Variants in COPZ2 observed in about 807,000 individuals in gnomAD.
The protein encoded by COPZ2 is coat protein complex I subunit zeta 2.
Under a neutral mutation model 33.2 loss-of-function variants are expected in COPZ2, and 30 were observed. The observed-to-expected ratio is 0.90, with a 90% CI of 0.68 to 1.23. COPZ2 has a LOEUF of 1.23. COPZ2 is among the 50% of genes most tolerant of loss of function. The pLI is 0.00. For missense variants in COPZ2, 263 were observed against 262.4 expected (o/e 1.00, Z -0.02); for synonymous variants, 89 against 102.6 (o/e 0.87, Z 0.80).
At chr17:48,044,104 T>G in the COPZ2 span, among the ~76,000 whole-genome samples, 1 of 152,160 alleles carries the variant, frequency 6.6e-6, no homozygotes, top group African/African-American at 2.4e-5. Flanking sequence ...CCCAGCACTT[T>G]GGGAGGCTGA....
the COPZ2 span, chr17:48,047,632 ACCGCCAACGTTCCGCCAACGTT>A: frequency 6.6e-6 from 1 of 151,178 alleles, no homozygotes; most frequent in African/African-American, 2.4e-5. Flanking sequence ...CACCTCTCAC[ACCGCCAACGTTCCGCCAACGTT>A]CCGCCAACGT....
intron 2 of COPZ2, among the ~76,000 whole-genome samples, chr17:48,036,510 AC>A (rs1038165860): frequency 1.3e-5 from 2 of 152,226 alleles, no homozygotes; most frequent in Non-Finnish European, 2.9e-5. Flanking sequence ...TTAGAGACAA[AC>A]CCCAAAGAAC....
In COPZ2 at chr17:48,037,118, C is replaced by A; in HGVS notation, c.112-193G>T. 1.3e-6 allele frequency: 1 copy of A among 771,276 alleles called. No individual in the cohort carries two copies. The highest frequency in any genetic ancestry group is 1.4e-5 in the South Asian group (1 of 72,826). The allele number at this position is 771,276 out of a possible 1,614,324, so 47.8% of individuals were successfully genotyped here. ...CCACTCCACTCCCAGGCAGATGTTC[C>A]ACTGCAGGCCCCGAGTGGGCGCTGT... On this transcript the variant is annotated intron_variant, in intron 1 of 8. Coordinates refer to ENST00000621465, the MANE Select transcript of COPZ2 (RefSeq NM_016429.4). This position sits in a 1 kb window ranked among gnomAD's most constrained non-coding sequence, Gnocchi z 5.6.
At chr17:48,026,535 G>T in intron 8 of COPZ2, 60 bp from the exon 9 acceptor site, 3 of 1,272,376 alleles carry the variant, frequency 2.4e-6, no homozygotes, top group Non-Finnish European at 3.4e-6. Flanking sequence ...TCCATACACA[G>T]TCATGGGGAG....
In COPZ2 at chr17:48,029,141, T is replaced by C; in HGVS notation, c.530A>G (p.Gln177Arg). 6.3e-7 allele frequency: 1 copy of C among 1,578,922 alleles called. No individual in the cohort carries two copies. Among genetic ancestry groups the C allele is most frequent in the South Asian group, 1.2e-5 (1 of 85,580 alleles). ...ILESDPQQVIQKVNFRADDGG... is the reference protein window; with the variant it reads ...ILESDPQQVIRKVNFRADDGG... ...GACTCTTACCCTAAAATTCACCTTC[T>C]GGATCACTTGCTGGGGGTCACTCTC... The change falls in exon 7 of 9, where the codon CAG becomes CGG. Residue 177 changes from glutamine (Q) to arginine (R), a missense_variant. Gln to Arg is a conservative substitution (Grantham distance 43). Transcript: ENST00000621465.
Position 48,033,656 on chromosome 17 carries a change from G to A in COPZ2, c.268+207C>T, listed in dbSNP as rs75987916. ...GAGGCCTGGGGATGCTGGGGGGTTG[G>A]GTAGTTGGGGGAACTGGAGAGTGAC... On this transcript the variant is annotated intron_variant, in intron 3 of 8. Coordinates refer to ENST00000621465, the MANE Select transcript of COPZ2 (RefSeq NM_016429.4). Among the ~76,000 whole-genome samples, 40 of 152,300 alleles carry A rather than the reference G, an allele frequency of 2.6e-4. No homozygotes were observed. In the East Asian group the frequency reaches 6.0e-3, roughly 23 times the overall value.
At chr17:48,029,266 A>G in intron 6 of COPZ2, 90 bp from the exon 7 acceptor site, 1 of 1,220,910 alleles carries the variant, frequency 8.2e-7, no homozygotes. Context: ...TCCCTCTCCG[A>G]AGGCATCCTG....
the COPZ2 span, among the ~76,000 whole-genome samples, chr17:48,044,402 G>GT: frequency 4.4e-5 from 4 of 90,450 alleles, no homozygotes; most frequent in East Asian, 1.0e-3. Context: ...ACAATCTTTT[G>GT]CTTTTTTTTT....
At position 48,037,654 on chromosome 17, in the gene COPZ2, G is replaced by A. The variant is rs1238843571; in HGVS notation, c.111+13C>T. The A allele has an allele frequency of 9.2e-7, 1 of 1,090,276 alleles. No homozygotes were observed. The highest frequency in any genetic ancestry group is 1.1e-6 in the Non-Finnish European group (1 of 898,734). 67.5% of individuals were successfully genotyped at this position (1,090,276 alleles called of 1,614,324 possible). ...CCCGCCGCCCGGGATCCCCGCGCCC[G>A]CCCGCTCCGTACCCGCAGCCCCGAG... On this transcript the variant is annotated intron_variant, in intron 1 of 8. Coordinates refer to ENST00000621465, the MANE Select transcript of COPZ2 (RefSeq NM_016429.4). The surrounding 1 kb of genome is among the most constrained non-coding windows in gnomAD (Gnocchi z 5.6).
chr17:48,035,933 T>G (rs1452552881), intron 2 of COPZ2, among the ~76,000 whole-genome samples: 1 of 151,926 alleles, frequency 6.6e-6, no homozygotes, highest in African/African-American at 2.4e-5. Context: ...CTTTGTATTT[T>G]TAGTAGAGAC....
Position 48,037,187 on chromosome 17 carries a change from T to C in COPZ2, c.112-262A>G, listed in dbSNP as rs1222212566. ...GTCCTTCCGGGCCCAAGTTCTGTCA[T>C]GCACTGACTGCTCCAGAGCCCGAGT... On this transcript the variant is annotated intron_variant, in intron 1 of 8. Coordinates refer to ENST00000621465, the MANE Select transcript of COPZ2 (RefSeq NM_016429.4). The surrounding 1 kb of genome is among the most constrained non-coding windows in gnomAD (Gnocchi z 5.6). 8 of 713,998 alleles carry C rather than the reference T, an allele frequency of 1.1e-5. No individual in the cohort carries two copies. The highest frequency in any genetic ancestry group is 2.1e-5 in the Non-Finnish European group (8 of 377,714). 44.2% of individuals were successfully genotyped at this position (713,998 alleles called of 1,614,324 possible).
chr17:48,037,522 C>T lies in COPZ2; in HGVS notation c.111+145G>A. ...CGGTCGGCGCTGGGACGAACTTTTCCTCCCGGGTCCTGGGGCCAGTCAGGG... is the reference window on the plus strand; with the variant it reads ...CGGTCGGCGCTGGGACGAACTTTTCTTCCCGGGTCCTGGGGCCAGTCAGGG... On this transcript the variant is annotated intron_variant, in intron 1 of 8. Coordinates refer to ENST00000621465, the MANE Select transcript of COPZ2 (RefSeq NM_016429.4). The surrounding 1 kb of genome is among the most constrained non-coding windows in gnomAD (Gnocchi z 5.6). 1 of 790,166 alleles carries T rather than the reference C, an allele frequency of 1.3e-6. No homozygotes were observed. The highest frequency in any genetic ancestry group is 1.6e-6 in the Non-Finnish European group (1 of 630,226). The allele number at this position is 790,166 out of a possible 1,614,324, so 48.9% of individuals were successfully genotyped here.
Position 48,026,380 on chromosome 17 carries a change from G to A in COPZ2, c.*48C>T, listed in dbSNP as rs1299755709. 1 of 1,494,610 alleles carries A rather than the reference G, an allele frequency of 6.7e-7. No homozygotes were observed. The highest frequency in any genetic ancestry group is 1.7e-5 in the Admixed American group (1 of 59,482). The allele number at this position is 1,494,610 out of a possible 1,614,324, so 92.6% of individuals were successfully genotyped here. ...CCCTGGGATCTTTGGGCTTTTGCCA[G>A]GATTGGGGAAATGATCTGGGGGGCA... On this transcript the variant is annotated 3_prime_UTR_variant, in exon 9 of 9. Coordinates refer to ENST00000621465, the MANE Select transcript of COPZ2 (RefSeq NM_016429.4).
the COPZ2 span, chr17:48,047,181 C>T: frequency 2.0e-5 from 3 of 152,186 alleles, no homozygotes; most frequent in Non-Finnish European, 4.4e-5. Context: ...TGGCCTTGTC[C>T]TTAGTTGTAC....
At position 48,032,833 on chromosome 17, in the gene COPZ2, T is replaced by C. The variant is rs1037889049; in HGVS notation, c.361-92A>G. The C allele has an allele frequency of 2.0e-5, 21 of 1,049,890 alleles. No homozygotes were observed. In the South Asian group the frequency reaches 2.6e-4, roughly 13 times the overall value. 65.0% of individuals were successfully genotyped at this position (1,049,890 alleles called of 1,614,324 possible). On this transcript the variant is annotated intron_variant, in intron 4 of 8. Coordinates refer to ENST00000621465, the MANE Select transcript of COPZ2 (RefSeq NM_016429.4). ...TGGAGCCCACCTGTGCGGGCAGCAA[T>C]GGAGAGTTTCAGAGGCCTGGGCTGG...
chr17:48,037,828 G>A (rs1195743421), upstream of COPZ2: 37 of 899,428 alleles, frequency 4.1e-5, no homozygotes, highest in South Asian at 5.3e-5. The surrounding 1 kb of genome is among the most constrained non-coding windows in gnomAD (Gnocchi z 5.6). Context: ...GCCCGCCGCC[G>A]CCGCCCCGCC....
At chr17:48,027,277 CTA>C (rs2036830523) in intron 8 of COPZ2, among the ~76,000 whole-genome samples, 1 of 152,218 alleles carries the variant, frequency 6.6e-6, no homozygotes, top group South Asian at 2.1e-4. Flanking sequence ...ATCAAAAATG[CTA>C]TGTTTTCATT....
chr17:48,042,637 T>C (rs997926201), upstream of COPZ2, among the ~76,000 whole-genome samples: 2 of 151,848 alleles, frequency 1.3e-5, no homozygotes, highest in Non-Finnish European at 2.9e-5. Flanking sequence ...AATTTTTGTA[T>C]TTTTAGTAGA....
At position 48,028,661 on chromosome 17, in the gene COPZ2, C is replaced by G; in HGVS notation, c.547-151G>C. 1 of 670,716 alleles carries G rather than the reference C, an allele frequency of 1.5e-6. No homozygotes were observed. 41.5% of individuals were successfully genotyped at this position (670,716 alleles called of 1,614,324 possible). A position where few individuals can be genotyped will look rare whatever the true frequency, so the allele number is the denominator to read the frequency against. On this transcript the variant is annotated intron_variant, in intron 7 of 8. Transcript: ENST00000621465. The surrounding 1 kb of genome is among the most constrained non-coding windows in gnomAD (Gnocchi z 4.5). ...ACCTGTGTCACTGGTTAATAGAAGTCCTGCAGCCTGTCATTTGGAAGCCAG... is the reference window on the plus strand; with the variant it reads ...ACCTGTGTCACTGGTTAATAGAAGTGCTGCAGCCTGTCATTTGGAAGCCAG...
Sources: allele counts gnomAD v4.1 joint callset (sites outside exome capture counted in the v4.1 genomes callset), GRCh38; gene constraint gnomAD v4.1.1; non-coding constraint Gnocchi (gnomAD v3.1); transcripts MANE v1.5; gene names NCBI Gene and HGNC (gene_info 2026-07-23, HGNC 2026-07-21).